RNF157: variants seen among roughly 807,000 people sequenced by gnomAD.
RNF157 encodes E3 ubiquitin ligase RNF157.
In RNF157, 55 loss-of-function variants were observed where a neutral mutation model predicts 88.3. The ratio of observed to expected loss-of-function variants is 0.62; its 90% CI spans 0.50 to 0.78. The LOEUF is 0.78. Among genes scored for constraint, RNF157 ranks in the 30% least tolerant of loss-of-function variants. The pLI is 0.00. For missense variants in RNF157, 788 were observed against 860.8 expected, an observed-to-expected ratio of 0.92 and a Z score of 1.06; for synonymous variants, 334 against 341.2, an observed-to-expected ratio of 0.98 and a Z score of 0.23.
intron 1 of RNF157, among the ~76,000 whole-genome samples, chr17:76,231,435 T>C (rs1033718033): frequency 6.6e-6 from 1 of 151,894 alleles, no homozygotes; most frequent in Non-Finnish European, 1.5e-5. Context: ...TTTTACTGTC[T>C]TTTGAGGCCC....
In RNF157 at chr17:76,157,410, A is replaced by G. The variant is rs139079442; in HGVS notation, c.1413+983T>C. ...TGCCCCTGGCTTGCTCCGAGCCCCG[A>G]CTTCCTGCTCTGTGCCTTTGCATGC... On this transcript the variant is annotated intron_variant, in intron 13 of 18. Transcript: ENST00000269391. The surrounding 1 kb of genome is among the most constrained non-coding windows in gnomAD (Gnocchi z 5.6). Among the ~76,000 whole-genome samples the G allele has an allele frequency of 2.0e-5, 3 of 152,248 alleles. No individual in the cohort carries two copies. The highest frequency in any genetic ancestry group is 4.4e-5 in the Non-Finnish European group (3 of 68,004).
intron 2 of RNF157, among the ~76,000 whole-genome samples, chr17:76,201,562 C>A (rs1011408310): frequency 6.6e-6 from 1 of 151,764 alleles, no homozygotes; most frequent in African/African-American, 2.4e-5. Flanking sequence ...AGTGAATACC[C>A]CCCTTCTTGA....
chr17:76,191,595 C>T (rs34014361), intron 2 of RNF157, among the ~76,000 whole-genome samples: 11,396 of 134,434 alleles, frequency 0.085, 548 homozygotes, highest in African/African-American at 0.12. Flanking sequence ...AGCAAGACTC[C>T]GCCTCAAAAA....
At chr17:76,183,733 CATTCAATT>C (rs142480620) in intron 2 of RNF157, among the ~76,000 whole-genome samples, 14,389 of 151,936 alleles carry the variant, frequency 0.095, 798 homozygotes, top group African/African-American at 0.15. Context: ...TGTCCTTTAT[CATTCAATT>C]ATTCAATTAT....
chr17:76,203,486 C>A (rs2069622551), intron 2 of RNF157, among the ~76,000 whole-genome samples: 2 of 146,248 alleles, frequency 1.4e-5, no homozygotes, highest in South Asian at 4.3e-4. Flanking sequence ...GAGTCTTGCT[C>A]TTGTCACCCA....
intron 1 of RNF157, among the ~76,000 whole-genome samples, chr17:76,217,405 A>G (rs544150117): frequency 6.6e-6 from 1 of 152,290 alleles, no homozygotes; most frequent in Admixed American, 6.5e-5. Flanking sequence ...GAACCCCTCT[A>G]GCAGCTTGCT....
intron 1 of RNF157, among the ~76,000 whole-genome samples, chr17:76,225,364 C>CA (rs1314783588): frequency 6.6e-6 from 1 of 151,902 alleles, no homozygotes; most frequent in Non-Finnish European, 1.5e-5. Context: ...TGTCCTTTGC[C>CA]AAAAAAATTA....
At position 76,161,803 on chromosome 17, in the gene RNF157, CT is replaced by C. The variant is rs769482338; in HGVS notation, c.952+39del. 18 of 1,603,724 alleles carry C rather than the reference CT, an allele frequency of 1.1e-5. No individual in the cohort carries two copies. The highest frequency in any genetic ancestry group is 1.4e-5 in the Non-Finnish European group (16 of 1,172,936). ...TGTTTTGTAAATGTCCTCTTGTCCCCTCTCCCACCCACCAGTCCCCCTGCCG... is the reference window on the plus strand; with the variant it reads ...TGTTTTGTAAATGTCCTCTTGTCCCCCTCCCACCCACCAGTCCCCCTGCCG... On this transcript the variant is annotated intron_variant, in intron 10 of 18. Transcript: ENST00000269391. This position sits in a 1 kb window ranked among gnomAD's most constrained non-coding sequence, Gnocchi z 4.6.
chr17:76,227,544 T>C (rs757581496), intron 1 of RNF157, among the ~76,000 whole-genome samples: 3 of 152,190 alleles, frequency 2.0e-5, no homozygotes, highest in Non-Finnish European at 4.4e-5. Flanking sequence ...AGGAAACTAA[T>C]GCACAGAGGT....
chr17:76,226,042 A>T (rs2070078075), intron 1 of RNF157: 5 of 1,609,682 alleles, frequency 3.1e-6, no homozygotes, highest in African/African-American at 1.3e-5. Context: ...TGGGGTGGGC[A>T]GACCCACAGA....
chr17:76,231,839 A>T (rs2070197905), intron 1 of RNF157, among the ~76,000 whole-genome samples: 1 of 152,140 alleles, frequency 6.6e-6, no homozygotes, highest in Non-Finnish European at 1.5e-5. Context: ...CATCATCACA[A>T]TCCAGCTGAA....
intron 1 of RNF157, among the ~76,000 whole-genome samples, chr17:76,238,455 T>C (rs2070319003): frequency 6.6e-6 from 1 of 152,368 alleles, no homozygotes; most frequent in South Asian, 2.1e-4. Flanking sequence ...TTGAGTGTGC[T>C]AATTAACAAA....
chr17:76,191,146 T>C (rs1374378018), intron 2 of RNF157, among the ~76,000 whole-genome samples: 1 of 152,190 alleles, frequency 6.6e-6, no homozygotes, highest in Non-Finnish European at 1.5e-5. Flanking sequence ...TCTATAATTA[T>C]ACCAACATTT....
chr17:76,161,266 C>A lies in RNF157; in HGVS notation c.1065+269G>T, dbSNP rs1202212129. ...GCCTGGGGGAGTTCAAGTTGAACCT[C>A]ACTGGAGTGAAACTGCAAGCAGATG... is the stretch of plus-strand genomic sequence containing the variant. On this transcript the variant is annotated intron_variant, in intron 11 of 18. Coordinates refer to ENST00000269391, the MANE Select transcript of RNF157 (RefSeq NM_052916.3). This position sits in a 1 kb window ranked among gnomAD's most constrained non-coding sequence, Gnocchi z 4.6. Among the ~76,000 whole-genome samples, 2 of 152,086 alleles carry A rather than the reference C, an allele frequency of 1.3e-5. No individual in the cohort carries two copies. The highest frequency in any genetic ancestry group is 4.8e-5 in the African/African-American group (2 of 41,400).
At chr17:76,199,713 C>T (rs1048277806) in intron 2 of RNF157, among the ~76,000 whole-genome samples, 15 of 152,012 alleles carry the variant, frequency 9.9e-5, no homozygotes, top group Non-Finnish European at 1.8e-4. Flanking sequence ...CACTTGGTGA[C>T]GCAGCTCGCT....
chr17:76,226,637 C>T (rs1432327356), intron 1 of RNF157: 13 of 1,612,744 alleles, frequency 8.1e-6, no homozygotes, highest in African/African-American at 1.3e-5. Context: ...TTCGGAGGAG[C>T]CCGCCTTAGC....
chr17:76,232,567 A>G (rs920497040), intron 1 of RNF157, among the ~76,000 whole-genome samples: 8 of 152,136 alleles, frequency 5.3e-5, no homozygotes, highest in African/African-American at 1.9e-4. Flanking sequence ...ATCTGCATCC[A>G]TGTCTTTGAG....
At chr17:76,191,527 G>A (rs924388603) in intron 2 of RNF157, among the ~76,000 whole-genome samples, 2 of 151,074 alleles carry the variant, frequency 1.3e-5, no homozygotes, top group African/African-American at 2.4e-5. Context: ...GCTTGAACCC[G>A]GAGGTGGAGG....
chr17:76,181,702 G>A (rs549921597), intron 2 of RNF157, among the ~76,000 whole-genome samples: 7 of 151,970 alleles, frequency 4.6e-5, no homozygotes, highest in African/African-American at 1.7e-4. Flanking sequence ...GAGGTCCAGA[G>A]TTTGAGACCA....
Sources: allele counts gnomAD v4.1 joint callset (sites outside exome capture counted in the v4.1 genomes callset), GRCh38; gene constraint gnomAD v4.1.1; non-coding constraint Gnocchi (gnomAD v3.1); transcripts MANE v1.5; gene names NCBI Gene and HGNC (gene_info 2026-07-23, HGNC 2026-07-21).